ZNF197: variants seen among roughly 807,000 people sequenced by gnomAD.
ZNF197 encodes the protein zinc finger protein 197.
A neutral mutation model predicts 27.4 loss-of-function variants in ZNF197; 14 were observed. That is an observed-to-expected ratio of 0.51 (90% CI 0.34 to 0.80). The LOEUF is 0.80. Ranked by LOEUF, ZNF197 falls within the 30% of genes least tolerant of loss-of-function variation. The pLI, the probability that ZNF197 is intolerant of heterozygous loss-of-function variation, is 0.02. For missense variants in ZNF197, 1,090 were observed against 1,222.6 expected, an observed-to-expected ratio of 0.89 and a Z score of 1.62; for synonymous variants, 415 against 420.0, an observed-to-expected ratio of 0.99 and a Z score of 0.15.
chr3:44,631,493 T>C lies in ZNF197; in HGVS notation c.550+272T>C, dbSNP rs529471046. On this transcript the variant is annotated intron_variant, in intron 3 of 5. Coordinates refer to ENST00000344387, the MANE Select transcript of ZNF197 (RefSeq NM_006991.5). Reference sequence around the variant, plus strand: ...TCAGCTCACTGCAACCTCCGCCTCCTGGGTTTACGCCATTCTCCTACGTCA... The same window carrying C: ...TCAGCTCACTGCAACCTCCGCCTCCCGGGTTTACGCCATTCTCCTACGTCA... Among the ~76,000 whole-genome samples, 447 of 146,652 alleles carry C rather than the reference T, an allele frequency of 3.0e-3. 1 individual carries two copies. Among genetic ancestry groups the C allele is most frequent in the Middle Eastern group, 7.3e-3 (2 of 274 alleles).
In ZNF197 at chr3:44,645,357, T is replaced by G. The variant is rs1202523048; in HGVS notation, c.*1137T>G. The G allele has an allele frequency of 1.0e-6, 1 of 984,544 alleles. No homozygotes were observed. The highest frequency in any genetic ancestry group is 1.2e-6 in the Non-Finnish European group (1 of 829,942). The allele number at this position is 984,544 out of a possible 1,614,324, so 61.0% of individuals were successfully genotyped here. ...GGGATTCCAGGAACCTAAAAGATAC[T>G]CATTTTCATAAGAGGAAGTATGGTG... On this transcript the variant is annotated 3_prime_UTR_variant, in exon 6 of 6. Coordinates refer to ENST00000344387, the MANE Select transcript of ZNF197 (RefSeq NM_006991.5).
At position 44,643,545 on chromosome 3, in the gene ZNF197, C is replaced by T. The variant is rs1160887329; in HGVS notation, c.2415C>T (p.Leu805=). ...CGKCFILKKS[L]IGHQRIHTRE... ...AATGCTTCATTCTGAAGAAAAGCCTCATTGGACATCAGAGAATTCACACGA... is the reference window on the plus strand; with the variant it reads ...AATGCTTCATTCTGAAGAAAAGCCTTATTGGACATCAGAGAATTCACACGA... The change falls in exon 6 of 6, where the codon CTC becomes CTT. Residue 805 remains leucine (L), a synonymous_variant. Coordinates refer to ENST00000344387, the MANE Select transcript of ZNF197 (RefSeq NM_006991.5). 6.2e-7 allele frequency: 1 copy of T among 1,614,100 alleles called. No homozygotes were observed. The highest frequency in any genetic ancestry group is 1.7e-5 in the Admixed American group (1 of 60,016).
rs1304816568 is a variant in ZNF197 at position 44,637,145 on chromosome 3, A to G, written c.769+4546A>G. On this transcript the variant is annotated intron_variant, in intron 5 of 5. Coordinates refer to ENST00000344387, the MANE Select transcript of ZNF197 (RefSeq NM_006991.5). ...ATATGACTTACAAATATTTTCTCCCATTCTGTGGGGTCTTGCCCTGTTGCC... is the reference window on the plus strand; with the variant it reads ...ATATGACTTACAAATATTTTCTCCCGTTCTGTGGGGTCTTGCCCTGTTGCC... Among the ~76,000 whole-genome samples, 7 of 152,078 alleles carry G rather than the reference A, an allele frequency of 4.6e-5. No individual in the cohort carries two copies. In the East Asian group the frequency reaches 7.7e-4, roughly 17 times the overall value.
intron 5 of ZNF197, among the ~76,000 whole-genome samples, chr3:44,635,800 T>G (rs1261919588): frequency 6.6e-6 from 1 of 152,116 alleles, no homozygotes; most frequent in East Asian, 1.9e-4. Flanking sequence ...GTGCATAAGT[T>G]TGTGTGAGCC....
At position 44,644,594 on chromosome 3, in the gene ZNF197, G is replaced by A. The variant is rs530978458; in HGVS notation, c.*374G>A. 137 of 986,722 alleles carry A rather than the reference G, an allele frequency of 1.4e-4. 2 individuals carry two copies. In the South Asian group the frequency reaches 3.1e-3, roughly 22 times the overall value. The allele number at this position is 986,722 out of a possible 1,614,324, so 61.1% of individuals were successfully genotyped here. On this transcript the variant is annotated 3_prime_UTR_variant, in exon 6 of 6. Transcript: ENST00000344387. ...GCGGAGGTTGCAGTGAGCCAGGATC[G>A]CGCCATTGCACTCCAGCCTGGGCAA... is the stretch of plus-strand genomic sequence containing the variant.
chr3:44,643,000 T>G lies in ZNF197; in HGVS notation c.1870T>G (p.Cys624Gly), dbSNP rs1276004661. The change falls in exon 6 of 6, where the codon TGC (cysteine) becomes GGC (glycine). Residue 624 changes from cysteine (C) to glycine (G), a missense_variant. Coordinates refer to ENST00000344387, the MANE Select transcript of ZNF197 (RefSeq NM_006991.5). ...RMHSREKPYK[C>G]TECGKAFTQS... ...GCACAGCAGAGAGAAACCTTACAAA[T>G]GCACTGAATGTGGGAAAGCCTTTAC... The G allele has an allele frequency of 6.2e-7, 1 of 1,614,090 alleles. No homozygotes were observed. Among genetic ancestry groups the G allele is most frequent in the Non-Finnish European group, 8.5e-7 (1 of 1,180,012 alleles).
intron 1 of ZNF197, 81 bp from the exon 2 acceptor site, chr3:44,628,993 T>G: frequency 1.9e-6 from 2 of 1,036,120 alleles, no homozygotes; most frequent in African/African-American, 3.2e-5. Flanking sequence ...TACTGGGAGC[T>G]GACTGGGAGC....
intron 2 of ZNF197, 100 bp downstream of exon 2, chr3:44,629,644 T>G: frequency 7.3e-7 from 1 of 1,369,390 alleles, no homozygotes; most frequent in Non-Finnish European, 9.7e-7. Flanking sequence ...TAAAAATTAA[T>G]AGCATTAATA....
Position 44,642,353 on chromosome 3 carries a change from T to C in ZNF197, c.1223T>C (p.Ile408Thr). 1.9e-6 allele frequency: 3 copies of C among 1,614,122 alleles called. No homozygotes were observed. The highest frequency in any genetic ancestry group is 2.5e-6 in the Non-Finnish European group (3 of 1,180,024). ...TGTAAGGAATGTGGAAAAGGCTTTA[T>C]TCAGCGTTCGAGCCTTCTAATGCAT... ...HKCKECGKGF[I>T]QRSSLLMHLR... The change falls in exon 6 of 6, where the codon ATT becomes ACT. Residue 408 changes from isoleucine (I) to threonine (T), a missense_variant. Physicochemically the swap from Ile to Thr is moderately conservative, Grantham distance 89. Transcript: ENST00000344387.
rs759175823 is a variant in ZNF197, at chr3:44,643,798, A to ATAC, written c.2669_2670insACT (p.Met890delinsIleLeu). The stretch of plus-strand genomic sequence containing the variant: ...AGTCCTTACCTCTAGTAGAAATCTT[A>ATAC]TGGTACATCAAAGAATCCATACTGG... On this transcript the variant is annotated protein_altering_variant, in exon 6 of 6. Coordinates refer to ENST00000344387, the MANE Select transcript of ZNF197 (RefSeq NM_006991.5). 1.2e-6 allele frequency: 2 copies of ATAC among 1,614,002 alleles called. No individual in the cohort carries two copies. The highest frequency in any genetic ancestry group is 3.3e-5 in the Admixed American group (2 of 60,014).
In ZNF197 at chr3:44,643,816, CA is replaced by C; in HGVS notation, c.2687del (p.His896LeufsTer50). On this transcript the variant is annotated frameshift_variant, in exon 6 of 6. Transcript: ENST00000344387. LOFTEE classifies it low-confidence loss of function (END_TRUNC). ...SRNLMVHQRI[H>X]TGEKPYKCNE... ...AAATCTTATGGTACATCAAAGAATCCATACTGGAGAGAAACCTTATAAATGT... is the reference window on the plus strand; with the variant it reads ...AAATCTTATGGTACATCAAAGAATCCTACTGGAGAGAAACCTTATAAATGT... The C allele has an allele frequency of 6.2e-7, 1 of 1,613,844 alleles. No homozygotes were observed. The highest frequency in any genetic ancestry group is 8.5e-7 in the Non-Finnish European group (1 of 1,179,996).
chr3:44,642,071 CAG>C lies in ZNF197; in HGVS notation c.943_944del (p.Asp315Ter), dbSNP rs765966995. 6.2e-7 allele frequency: 1 copy of C among 1,614,044 alleles called. No individual in the cohort carries two copies. Among genetic ancestry groups the C allele is most frequent in the Non-Finnish European group, 8.5e-7 (1 of 1,180,000 alleles). ...TTGGCAAGTCAGTGGGGAAATGAAA[CAG>C]ATGAAAGGGCAGATACAGTGAAGAA... On this transcript the variant is annotated frameshift_variant, in exon 6 of 6. Coordinates refer to ENST00000344387, the MANE Select transcript of ZNF197 (RefSeq NM_006991.5). LOFTEE classifies it low-confidence loss of function (END_TRUNC).
At chr3:44,631,423 C>T (rs1029144267) in intron 3 of ZNF197, among the ~76,000 whole-genome samples, 25 of 150,680 alleles carry the variant, frequency 1.7e-4, no homozygotes, top group African/African-American at 2.2e-4. Context: ...TTTTTTGAGA[C>T]GGAGTCTCGC....
At chr3:44,633,803 G>A (rs1023236205) in intron 5 of ZNF197, among the ~76,000 whole-genome samples, 2 of 151,894 alleles carry the variant, frequency 1.3e-5, no homozygotes, top group African/African-American at 4.8e-5. Flanking sequence ...CCATATTTCT[G>A]GTAATATTTA....
intron 5 of ZNF197, among the ~76,000 whole-genome samples, chr3:44,636,691 T>G (rs1047836970): frequency 1.3e-5 from 2 of 152,206 alleles, no homozygotes; most frequent in Non-Finnish European, 2.9e-5. Context: ...TGTATAATTT[T>G]TTGTGTGGAT....
chr3:44,636,574 A>C (rs1378285231), intron 5 of ZNF197, among the ~76,000 whole-genome samples: 1 of 152,126 alleles, frequency 6.6e-6, no homozygotes, highest in Non-Finnish European at 1.5e-5. Context: ...ATTCCTTTTT[A>C]TTGCCAAATA....
At position 44,640,222 on chromosome 3, in the gene ZNF197, C is replaced by A. The variant is rs1261924962; in HGVS notation, c.770-1678C>A. Among the ~76,000 whole-genome samples, 1 of 152,184 alleles carries A rather than the reference C, an allele frequency of 6.6e-6. No homozygotes were observed. Among genetic ancestry groups the A allele is most frequent in the Non-Finnish European group, 1.5e-5 (1 of 68,028 alleles). The stretch of plus-strand genomic sequence containing the variant: ...AGCTAAAAATATTAAATAGTTTAAC[C>A]AGCTAATTAGCTACTGATACAAGAG... On this transcript the variant is annotated intron_variant, in intron 5 of 5. Transcript: ENST00000344387. This position sits in a 1 kb window ranked among gnomAD's most constrained non-coding sequence, Gnocchi z 4.0.
rs1322542356 is a variant in ZNF197, at chr3:44,646,491, G to T, written c.*2271G>T. ...CAAGCTTCTTGGACCTCATTGCCAG[G>T]TTACAGGAAATACAGGAGGCAGAGG... On this transcript the variant is annotated 3_prime_UTR_variant, in exon 6 of 6. Coordinates refer to ENST00000344387, the MANE Select transcript of ZNF197 (RefSeq NM_006991.5). The T allele has an allele frequency of 6.3e-7, 1 of 1,598,716 alleles. No homozygotes were observed. The highest frequency in any genetic ancestry group is 1.3e-5 in the African/African-American group (1 of 74,678).
Position 44,629,125 on chromosome 3 carries a change from C to A in ZNF197, c.-30C>A, listed in dbSNP as rs73074478. 0.015 allele frequency: 24,271 copies of A among 1,579,470 alleles called. 244 individuals are homozygous for A. The highest frequency in any genetic ancestry group is 0.017 in the Non-Finnish European group (19,949 of 1,167,008). On this transcript the variant is annotated 5_prime_UTR_variant, in exon 2 of 6. It adds an upstream start codon to the 5' untranslated region. Transcript: ENST00000344387. ...AAGTCAAGGATTAAGGAGACCTGGA[C>A]TGGAGAGGAGCCTTTTTCAAAAAAC...
Sources: allele counts gnomAD v4.1 joint callset (sites outside exome capture counted in the v4.1 genomes callset), GRCh38; gene constraint gnomAD v4.1.1; non-coding constraint Gnocchi (gnomAD v3.1); transcripts MANE v1.5; gene names NCBI Gene and HGNC (gene_info 2026-07-23, HGNC 2026-07-21).